Variants in DENND2B observed in about 807,000 individuals in gnomAD.
The protein encoded by DENND2B is DENN domain containing 2B.
A neutral mutation model predicts 116.0 loss-of-function variants in DENND2B; 32 were observed. The ratio of observed to expected loss-of-function variants is 0.28; its 90% CI spans 0.21 to 0.37. The LOEUF (loss-of-function observed/expected upper bound fraction) is 0.37. DENND2B is among the 10% of genes least tolerant of loss of function. The probability of loss-of-function intolerance (pLI) is 1.00; values close to 1 mark genes in which losing one functional copy is unlikely to be tolerated. For synonymous variants in DENND2B, 588 were observed against 583.9 expected, an observed-to-expected ratio of 1.01 and a Z score of -0.10; for missense variants, 1,276 against 1,477.7, an observed-to-expected ratio of 0.86 and a Z score of 2.24.
At chr11:8,831,511 G>GAC (rs142965401) in intron 4 of DENND2B, 557 of 151,884 alleles carry the variant, frequency 3.7e-3, no homozygotes, top group Non-Finnish European at 7.0e-3. Context: ...TCCACTTCCA[G>GAC]ACACACACAC....
intron 4 of DENND2B, among the ~76,000 whole-genome samples, chr11:8,816,801 A>G (rs1566010807): frequency 6.6e-6 from 1 of 151,970 alleles, no homozygotes; most frequent in Non-Finnish European, 1.5e-5. Context: ...TGTCTCCCTT[A>G]GGGGCCTTTG....
chr11:8,823,995 C>G (rs1324159327), intron 4 of DENND2B, among the ~76,000 whole-genome samples: 3 of 151,334 alleles, frequency 2.0e-5, no homozygotes, highest in African/African-American at 7.3e-5. Context: ...CTCCGCCTCC[C>G]GGGTTCAAGC....
At chr11:8,777,277 C>A (rs3850931) in intron 1 of DENND2B, among the ~76,000 whole-genome samples, 1 of 152,154 alleles carries the variant, frequency 6.6e-6, no homozygotes, top group Admixed American at 6.5e-5. Context: ...AGGGCTACCT[C>A]GGTAAAAAAG....
At chr11:8,862,259 A>G (rs949492762) in intron 2 of DENND2B, among the ~76,000 whole-genome samples, 1 of 151,830 alleles carries the variant, frequency 6.6e-6, no homozygotes, top group Non-Finnish European at 1.5e-5. Context: ...ACCTCAAGTG[A>G]TAAGGGTTTC....
intron 2 of DENND2B, among the ~76,000 whole-genome samples, chr11:8,738,396 G>A (rs552326191): frequency 6.6e-6 from 1 of 152,264 alleles, no homozygotes; most frequent in African/African-American, 2.4e-5. Context: ...TCAAAACACT[G>A]GAACGTCCCA....
rs2042887585 is a variant in DENND2B, at chr11:8,707,863, G to A, written c.2353-9C>T. 1 of 1,605,556 alleles carries A rather than the reference G, an allele frequency of 6.2e-7. No homozygotes were observed. Among genetic ancestry groups the A allele is most frequent in the Non-Finnish European group, 8.5e-7 (1 of 1,176,336 alleles). ...GGCCCTTTCCCACTTGGCTGGGCCAGGACAAGGAGGAGGAGGAGAGAGACA... is the reference window on the plus strand; with the variant it reads ...GGCCCTTTCCCACTTGGCTGGGCCAAGACAAGGAGGAGGAGGAGAGAGACA... On this transcript the variant is annotated splice_polypyrimidine_tract_variant and intron_variant, in intron 11 of 19. Coordinates refer to ENST00000313726, the MANE Select transcript of DENND2B (RefSeq NM_213618.2). The surrounding 1 kb of genome is among the most constrained non-coding windows in gnomAD (Gnocchi z 4.8).
At chr11:8,700,062 C>G (rs1370470089) in intron 14 of DENND2B, 3 of 422,578 alleles carry the variant, frequency 7.1e-6, no homozygotes, top group African/African-American at 4.6e-5. Flanking sequence ...CGGGAGCTGG[C>G]CTGGGGGGGG....
rs1244854185 is a variant in DENND2B, at chr11:8,730,418, A to G, written c.872T>C (p.Val291Ala). 1 of 1,607,794 alleles carries G rather than the reference A, an allele frequency of 6.2e-7. No homozygotes were observed. The highest frequency in any genetic ancestry group is 1.1e-5 in the South Asian group (1 of 91,044). The change falls in exon 3 of 20, where the codon GTC (valine) becomes GCC (alanine). Residue 291 changes from valine (V) to alanine (A), a missense_variant. Around this residue, in one of 2 missense-constraint regions of DENND2B, gnomAD observed 856 missense variants for 846.6 expected, o/e 1.01. Transcript: ENST00000313726. This position sits in a 1 kb window ranked among gnomAD's most constrained non-coding sequence, Gnocchi z 4.1. ...VLSRIQKIEQ[V>A]LKEQPGRGLP... ...CCCCCGGCCCGGCTGCTCCTTCAGG[A>G]CCTGTTCAATTTTCTGGATCCGGCT... is the stretch of plus-strand genomic sequence containing the variant.
chr11:8,854,481 C>T (rs998454155), intron 3 of DENND2B, among the ~76,000 whole-genome samples: 13 of 152,066 alleles, frequency 8.5e-5, no homozygotes, highest in Non-Finnish European at 1.9e-4. Flanking sequence ...AGATTACAGA[C>T]ATGAGCCACA....
chr11:8,771,529 C>CAGAGAGAGAGAGAGAGAGAGAGAG lies in DENND2B; in HGVS notation c.-25-20828_-25-20805dup, dbSNP rs66471685. On this transcript the variant is annotated intron_variant, in intron 1 of 19. Coordinates refer to ENST00000313726, the MANE Select transcript of DENND2B (RefSeq NM_213618.2). Reference sequence around the variant, plus strand: ...GAATATATATATGTGTATATATATACAGAGAGAGAGAGAGAGAGAGAGAGA... The same window carrying CAGAGAGAGAGAGAGAGAGAGAGAG: ...GAATATATATATGTGTATATATATACAGAGAGAGAGAGAGAGAGAGAGAGAGAGAGAGAGAGAGAGAGAGAGAGA... 39 of 107,412 alleles carry CAGAGAGAGAGAGAGAGAGAGAGAG rather than the reference C, an allele frequency of 3.6e-4. 1 individual carries two copies. The highest frequency in any genetic ancestry group is 1.2e-3 in the South Asian group (3 of 2,436). The allele number at this position is 107,412 out of a possible 1,614,324, so 6.7% of individuals were successfully genotyped here.
intron 4 of DENND2B, chr11:8,718,313 G>T: frequency 6.7e-7 from 1 of 1,491,080 alleles, no homozygotes; most frequent in Non-Finnish European, 9.0e-7. Context: ...CAGGTCACAT[G>T]GCTGTCCCTT....
chr11:8,706,811 A>G (rs1026823285), intron 13 of DENND2B, among the ~76,000 whole-genome samples: 22 of 152,348 alleles, frequency 1.4e-4, no homozygotes, highest in African/African-American at 4.3e-4. Flanking sequence ...GATGGCACAC[A>G]TTCAGTAACT....
intron 1 of DENND2B, among the ~76,000 whole-genome samples, chr11:8,794,242 G>A (rs1565962378): frequency 2.0e-5 from 3 of 152,184 alleles, no homozygotes; most frequent in Non-Finnish European, 4.4e-5. Flanking sequence ...GCCCTAAATG[G>A]GCAGAGGTGA....
At chr11:8,892,376 A>G (rs1370763989) in intron 1 of DENND2B, among the ~76,000 whole-genome samples, 1 of 152,210 alleles carries the variant, frequency 6.6e-6, no homozygotes, top group African/African-American at 2.4e-5. Flanking sequence ...AGCTAGCAGA[A>G]GGCAAGAAAT....
intron 3 of DENND2B, among the ~76,000 whole-genome samples, chr11:8,729,522 T>C (rs1027755424): frequency 5.3e-5 from 8 of 152,224 alleles, no homozygotes; most frequent in Admixed American, 6.5e-5. Flanking sequence ...AAATGCAGTA[T>C]TCAGATAATG....
rs762725645 is a variant in DENND2B, at chr11:8,702,933, G to A, written c.2572-213C>T. 6.1e-5 allele frequency: 37 copies of A among 604,138 alleles called. No individual in the cohort carries two copies. Among genetic ancestry groups the A allele is most frequent in the Non-Finnish European group, 9.5e-5 (34 of 358,142 alleles). 37.4% of individuals were successfully genotyped at this position (604,138 alleles called of 1,614,324 possible). ...GAACACCCAGCCTGTGGGCAAGAGG[G>A]CTGCCTGTGAAAGCGGGGAAGGCTC... is the stretch of plus-strand genomic sequence containing the variant. On this transcript the variant is annotated intron_variant, in intron 13 of 19. Transcript: ENST00000313726. The surrounding 1 kb of genome is among the most constrained non-coding windows in gnomAD (Gnocchi z 4.6).
chr11:8,768,124 A>T (rs570696811), intron 1 of DENND2B, among the ~76,000 whole-genome samples: 1 of 152,170 alleles, frequency 6.6e-6, no homozygotes, highest in Admixed American at 6.5e-5. Flanking sequence ...GCACTTATCC[A>T]AGTACCCCTC....
At chr11:8,793,646 C>T (rs1370378771) in intron 1 of DENND2B, among the ~76,000 whole-genome samples, 2 of 152,154 alleles carry the variant, frequency 1.3e-5, no homozygotes, top group Non-Finnish European at 2.9e-5. Flanking sequence ...TCCACCTTCT[C>T]GCTGCTGTGA....
upstream of DENND2B, among the ~76,000 whole-genome samples, chr11:8,813,750 C>T (rs996380849): frequency 2.0e-5 from 3 of 152,250 alleles, no homozygotes; most frequent in African/African-American, 4.8e-5. Context: ...ACCCAGAATG[C>T]GGGCCATGCT....
Sources: gnomAD v4.1 joint callset for allele counts (sites outside exome capture counted in the v4.1 genomes callset) on GRCh38, gnomAD v4.1.1 for gene constraint, gnomAD v4.1.1 regional missense constraint, Gnocchi (gnomAD v3.1) non-coding constraint, MANE v1.5 for transcripts, NCBI Gene and HGNC (gene_info 2026-07-23, HGNC 2026-07-21) for gene names.